ASTN2: variants seen among roughly 807,000 people sequenced by gnomAD.
The protein encoded by ASTN2 is astrotactin 2, also known as astrotactin-2.
In ASTN2, 54 loss-of-function variants were observed where a neutral mutation model predicts 139.8. That is an observed-to-expected ratio of 0.39 (90% CI 0.31 to 0.48). The LOEUF (loss-of-function observed/expected upper bound fraction) is 0.48. Among genes scored for constraint, ASTN2 ranks in the 20% least tolerant of loss-of-function variants. The pLI, the probability that ASTN2 is intolerant of heterozygous loss-of-function variation, is 0.95. For synonymous variants in ASTN2, 756 were observed against 719.5 expected, an observed-to-expected ratio of 1.05 and a Z score of -0.81; for missense variants, 1,565 against 1,725.1, an observed-to-expected ratio of 0.91 and a Z score of 1.64.
At chr9:117,354,802 C>G (rs1829491457) in intron 1 of ASTN2, among the ~76,000 whole-genome samples, 1 of 152,168 alleles carries the variant, frequency 6.6e-6, no homozygotes, top group Non-Finnish European at 1.5e-5. Flanking sequence ...ACCTACTCCA[C>G]AGTGAGCTCA....
chr9:117,303,917 C>G (rs887392507), intron 1 of ASTN2, among the ~76,000 whole-genome samples: 1 of 152,258 alleles, frequency 6.6e-6, no homozygotes, highest in Non-Finnish European at 1.5e-5. Flanking sequence ...GGCTTGCCCC[C>G]TCTTGATGCT....
At chr9:117,360,914 T>TC (rs1161528742) in intron 1 of ASTN2, among the ~76,000 whole-genome samples, 2 of 152,206 alleles carry the variant, frequency 1.3e-5, no homozygotes, top group Non-Finnish European at 2.9e-5. Context: ...ACAGTTTTTT[T>TC]CCCCCTTCCA....
chr9:116,838,831 C>G (rs1009163616), intron 11 of ASTN2, among the ~76,000 whole-genome samples: 1 of 152,294 alleles, frequency 6.6e-6, no homozygotes. Context: ...TCAGAGAAGA[C>G]TTTCAGTGCT....
At chr9:117,309,292 C>T (rs1827894089) in intron 1 of ASTN2, among the ~76,000 whole-genome samples, 1 of 152,184 alleles carries the variant, frequency 6.6e-6, no homozygotes, top group Non-Finnish European at 1.5e-5. Flanking sequence ...CTTATGGTAG[C>T]TGACACAAAA....
intron 19 of ASTN2, among the ~76,000 whole-genome samples, chr9:116,513,943 G>T (rs551590251): frequency 2.0e-5 from 3 of 151,288 alleles, no homozygotes; most frequent in African/African-American, 7.3e-5. Context: ...CGATGGGTTC[G>T]AACTTCCTCC....
chr9:116,765,888 T>A (rs904496881), intron 13 of ASTN2, among the ~76,000 whole-genome samples: 23 of 152,176 alleles, frequency 1.5e-4, no homozygotes, highest in Admixed American at 6.5e-5. Context: ...TTTAACCTGT[T>A]AATTTTTAGA....
intron 19 of ASTN2, among the ~76,000 whole-genome samples, chr9:116,538,317 G>A (rs1306294052): frequency 6.6e-6 from 1 of 151,976 alleles, no homozygotes; most frequent in Non-Finnish European, 1.5e-5. Context: ...AGGAAGAAAG[G>A]GAGGGAGGAA....
intron 1 of ASTN2, among the ~76,000 whole-genome samples, chr9:117,348,913 T>C (rs982971178): frequency 6.8e-6 from 1 of 146,874 alleles, no homozygotes; most frequent in African/African-American, 2.5e-5. Context: ...GTGTGTAGCA[T>C]CTAATTGTGT....
intron 13 of ASTN2, among the ~76,000 whole-genome samples, chr9:116,746,666 GT>G (rs1488812734): frequency 6.6e-6 from 1 of 151,990 alleles, no homozygotes. Flanking sequence ...TTTATTTTCA[GT>G]TTTCTTTTTC....
At chr9:116,863,802 G>A in intron 10 of ASTN2, 69 bp from the exon 11 acceptor site, 2 of 1,425,886 alleles carry the variant, frequency 1.4e-6, no homozygotes, top group South Asian at 1.5e-5. Flanking sequence ...ATAATAATGT[G>A]AATTCATTAC....
intron 4 of ASTN2, among the ~76,000 whole-genome samples, chr9:117,123,523 T>G (rs1464107942): frequency 6.6e-6 from 1 of 152,154 alleles, no homozygotes; most frequent in Non-Finnish European, 1.5e-5. Context: ...AGATAACATA[T>G]GCAAAATCAA....
chr9:117,106,478 C>T (rs1167971728), intron 4 of ASTN2, among the ~76,000 whole-genome samples: 1 of 152,046 alleles, frequency 6.6e-6, no homozygotes, highest in Non-Finnish European at 1.5e-5. Flanking sequence ...GGATTATAAA[C>T]GTGAGCCACT....
intron 10 of ASTN2, among the ~76,000 whole-genome samples, chr9:116,904,098 T>A (rs1834092929): frequency 6.6e-6 from 1 of 152,230 alleles, no homozygotes; most frequent in Non-Finnish European, 1.5e-5. Flanking sequence ...CATGTCAGAA[T>A]GTGAGTGTTG....
chr9:116,477,396 C>T (rs1192832944), intron 20 of ASTN2, among the ~76,000 whole-genome samples: 1 of 152,002 alleles, frequency 6.6e-6, no homozygotes, highest in Non-Finnish European at 1.5e-5. Context: ...CCAATTAGGA[C>T]TGGACACCAC....
chr9:117,401,062 C>T (rs1830814858), intron 1 of ASTN2, among the ~76,000 whole-genome samples: 1 of 152,168 alleles, frequency 6.6e-6, no homozygotes, highest in Non-Finnish European at 1.5e-5. Flanking sequence ...GTAGCATGTA[C>T]TAAGTGCCGG....
At chr9:116,608,344 A>C (rs939556978) in intron 19 of ASTN2, among the ~76,000 whole-genome samples, 1 of 152,168 alleles carries the variant, frequency 6.6e-6, no homozygotes, top group Non-Finnish European at 1.5e-5. Context: ...CCTGAGGCTC[A>C]TACAAGGGCC....
chr9:116,514,776 G>T (rs1219593924), intron 19 of ASTN2, among the ~76,000 whole-genome samples: 3 of 152,168 alleles, frequency 2.0e-5, no homozygotes, highest in Admixed American at 6.5e-5. Context: ...AGGCTCCATG[G>T]GCATGGGACC....
At chr9:117,022,700 G>C (rs1392484373) in intron 6 of ASTN2, among the ~76,000 whole-genome samples, 1 of 152,090 alleles carries the variant, frequency 6.6e-6, no homozygotes, top group African/African-American at 2.4e-5. Context: ...AATAGTCAAG[G>C]TGCTTAGTAA....
At chr9:116,966,937 C>G (rs1564363707) in intron 10 of ASTN2, among the ~76,000 whole-genome samples, 1 of 152,212 alleles carries the variant, frequency 6.6e-6, no homozygotes, top group Non-Finnish European at 1.5e-5. Context: ...TCTTCAACAA[C>G]AGCCAACATT....
Sources: gnomAD v4.1 joint callset for allele counts (sites outside exome capture counted in the v4.1 genomes callset) on GRCh38, gnomAD v4.1.1 for gene constraint, MANE v1.5 for transcripts, NCBI Gene and HGNC (gene_info 2026-07-23, HGNC 2026-07-21) for gene names.